The following ARIH1 variants were observed in gnomAD, a reference collection of about 807,000 sequenced individuals.
ARIH1 encodes E3 ubiquitin-protein ligase ARIH1.
A neutral mutation model predicts 85.0 loss-of-function variants in ARIH1; 8 were observed. The observed-to-expected ratio is 0.09, with a 90% CI of 0.06 to 0.17. The LOEUF is 0.17. ARIH1 is among the 10% of genes least tolerant of loss of function. The probability of loss-of-function intolerance (pLI) is 1.00; values close to 1 mark genes in which losing one functional copy is unlikely to be tolerated. For missense variants in ARIH1, 311 were observed against 718.1 expected, an observed-to-expected ratio of 0.43 and a Z score of 6.48; for synonymous variants, 238 against 253.6, an observed-to-expected ratio of 0.94 and a Z score of 0.59.
At chr15:72,577,855 TACG>T (rs2064278712) in intron 11 of ARIH1, among the ~76,000 whole-genome samples, 1 of 152,196 alleles carries the variant, frequency 6.6e-6, no homozygotes, top group Non-Finnish European at 1.5e-5. Flanking sequence ...AGGAAAACCT[TACG>T]AACCGTTTTG....
At chr15:72,497,124 T>C (rs1333375184) in intron 1 of ARIH1, among the ~76,000 whole-genome samples, 1 of 152,196 alleles carries the variant, frequency 6.6e-6, no homozygotes, top group Non-Finnish European at 1.5e-5. Context: ...TGCCGAATAA[T>C]AGAAGAGATA....
At chr15:72,509,132 A>G (rs2140405920) in intron 1 of ARIH1, among the ~76,000 whole-genome samples, 1 of 152,110 alleles carries the variant, frequency 6.6e-6, no homozygotes, top group African/African-American at 2.4e-5. Context: ...CTGGGACTAC[A>G]GGCGTGCATC....
chr15:72,517,819 C>G (rs1025388213), intron 1 of ARIH1, among the ~76,000 whole-genome samples: 1 of 152,036 alleles, frequency 6.6e-6, no homozygotes, highest in African/African-American at 2.4e-5. Context: ...TAGTAACTTA[C>G]TTTCTGTTTA....
Position 72,583,500 on chromosome 15 carries a change from C to T in ARIH1, c.*208C>T, listed in dbSNP as rs778716277. 2.7e-5 allele frequency: 12 copies of T among 452,322 alleles called. No individual in the cohort carries two copies. The highest frequency in any genetic ancestry group is 2.2e-4 in the Admixed American group (6 of 27,530). 28.0% of individuals were successfully genotyped at this position (452,322 alleles called of 1,614,324 possible). A position where few individuals can be genotyped will look rare whatever the true frequency, so the allele number is the denominator to read the frequency against. On this transcript the variant is annotated 3_prime_UTR_variant, in exon 14 of 14. Coordinates refer to ENST00000379887, the MANE Select transcript of ARIH1 (RefSeq NM_005744.5). ...ACCATTGTACAACAGTATTCTAGGC[C>T]ACCAACAAAAGTGTGACAGACACAC...
chr15:72,578,222 C>T (rs964753273), intron 11 of ARIH1, among the ~76,000 whole-genome samples: 13 of 152,260 alleles, frequency 8.5e-5, no homozygotes, highest in South Asian at 2.1e-4. Context: ...GTAGATACTG[C>T]GAAGTCACGC....
At chr15:72,501,809 C>G (rs1320912346) in intron 1 of ARIH1, among the ~76,000 whole-genome samples, 1 of 152,108 alleles carries the variant, frequency 6.6e-6, no homozygotes, top group East Asian at 1.9e-4. Flanking sequence ...TTTACATTAG[C>G]CCCACTGTGC....
At chr15:72,489,052 G>A (rs2063848444) in intron 1 of ARIH1, among the ~76,000 whole-genome samples, 1 of 152,036 alleles carries the variant, frequency 6.6e-6, no homozygotes, top group Non-Finnish European at 1.5e-5. Context: ...AGACCAGCCT[G>A]GGCTACATAG....
At chr15:72,526,510 A>C (rs191363578) in intron 2 of ARIH1, among the ~76,000 whole-genome samples, 6 of 152,308 alleles carry the variant, frequency 3.9e-5, no homozygotes, top group African/African-American at 1.4e-4. Flanking sequence ...TTGGAGGGTC[A>C]CTTGAAGCCA....
chr15:72,565,920 T>G (rs1192418883), intron 7 of ARIH1, among the ~76,000 whole-genome samples: 1 of 152,242 alleles, frequency 6.6e-6, no homozygotes, highest in African/African-American at 2.4e-5. Flanking sequence ...ATTAGCTAAT[T>G]AATCTGTCAT....
At chr15:72,478,825 G>T (rs1409674602) in intron 1 of ARIH1, among the ~76,000 whole-genome samples, 1 of 152,114 alleles carries the variant, frequency 6.6e-6, no homozygotes, top group African/African-American at 2.4e-5. Context: ...GGCACAGATT[G>T]GGTATACCTA....
intron 7 of ARIH1, among the ~76,000 whole-genome samples, chr15:72,564,519 T>G (rs2064210781): frequency 6.6e-6 from 1 of 152,184 alleles, no homozygotes; most frequent in Admixed American, 6.5e-5. Context: ...GATCTAGGCT[T>G]TTTCTAGCTT....
intron 8 of ARIH1, 77 bp from the exon 9 acceptor site, chr15:72,567,029 C>G: frequency 9.3e-7 from 1 of 1,073,084 alleles, no homozygotes; most frequent in East Asian, 2.5e-5. Flanking sequence ...TTAAGCTTGA[C>G]TATAGTTAAG....
At chr15:72,529,626 C>T (rs2064046838) in intron 2 of ARIH1, among the ~76,000 whole-genome samples, 1 of 152,152 alleles carries the variant, frequency 6.6e-6, no homozygotes, top group South Asian at 2.1e-4. Flanking sequence ...GTTTTTATGG[C>T]TCCATGGTAC....
At chr15:72,521,306 A>G (rs2063998911) in intron 2 of ARIH1, among the ~76,000 whole-genome samples, 1 of 145,040 alleles carries the variant, frequency 6.9e-6, no homozygotes, top group Non-Finnish European at 1.5e-5. Context: ...ATTGTTTCAC[A>G]TGTGACAAAC....
At chr15:72,485,807 A>G (rs748566225) in intron 1 of ARIH1, among the ~76,000 whole-genome samples, 13 of 152,178 alleles carry the variant, frequency 8.5e-5, no homozygotes, top group Non-Finnish European at 1.8e-4. Context: ...TCTTGACACT[A>G]TATTACTATG....
intron 1 of ARIH1, among the ~76,000 whole-genome samples, chr15:72,482,685 C>T (rs1308096916): frequency 6.6e-6 from 1 of 152,010 alleles, no homozygotes; most frequent in Non-Finnish European, 1.5e-5. Flanking sequence ...CCTTATGTTA[C>T]CCCAAAACTT....
chr15:72,574,653 A>G (rs1294931844), intron 11 of ARIH1, among the ~76,000 whole-genome samples: 1 of 152,208 alleles, frequency 6.6e-6, no homozygotes. Context: ...GAAGAATCAG[A>G]TGGTGTATAT....
At chr15:72,566,993 A>G in intron 8 of ARIH1, 113 bp from the exon 9 acceptor site, 1 of 727,074 alleles carries the variant, frequency 1.4e-6, no homozygotes, top group Non-Finnish European at 2.3e-6. Context: ...GAGCCTAGTG[A>G]TAATCTTATT....
intron 2 of ARIH1, among the ~76,000 whole-genome samples, chr15:72,527,222 CAAAATCAGAA>C (rs1304000111): frequency 1.3e-5 from 2 of 152,122 alleles, no homozygotes; most frequent in Non-Finnish European, 2.9e-5. Context: ...AGGAAAATGC[CAAAATCAGAA>C]TGTCAAACTA....
Sources: gnomAD v4.1 joint callset for allele counts (sites outside exome capture counted in the v4.1 genomes callset) on GRCh38, gnomAD v4.1.1 for gene constraint, MANE v1.5 for transcripts, NCBI Gene and HGNC (gene_info 2026-07-23, HGNC 2026-07-21) for gene names.